The following DHX32 variants were observed in gnomAD, a reference collection of about 807,000 sequenced individuals.
DHX32 encodes putative pre-mRNA-splicing factor ATP-dependent RNA helicase DHX32.
In DHX32, 51 loss-of-function variants were observed where a neutral mutation model predicts 70.0. The ratio of observed to expected loss-of-function variants is 0.73; its 90% CI spans 0.58 to 0.92. The LOEUF (loss-of-function observed/expected upper bound fraction) is 0.92, where lower values mean the gene tolerates loss of function less well. DHX32 is among the 40% of genes least tolerant of loss of function. DHX32 has a pLI of 0.00. For synonymous variants in DHX32, 310 were observed against 315.3 expected (o/e 0.98, Z 0.18); for missense variants, 762 against 891.8 (o/e 0.85, Z 1.85).
intron 1 of DHX32, among the ~76,000 whole-genome samples, chr10:125,888,088 C>T (rs78440715): frequency 3.6e-4 from 54 of 150,158 alleles, no homozygotes; most frequent in Non-Finnish European, 7.0e-4. Context: ...TTTGTAAACC[C>T]TGTACTATAT....
At chr10:125,873,201 A>G (rs945248921) in intron 1 of DHX32, among the ~76,000 whole-genome samples, 2 of 152,208 alleles carry the variant, frequency 1.3e-5, no homozygotes, top group African/African-American at 2.4e-5. Flanking sequence ...CATGAGCTAC[A>G]CTGGTGTAGA....
intron 1 of DHX32, among the ~76,000 whole-genome samples, chr10:125,890,048 G>A (rs4991183): frequency 9.2e-5 from 14 of 152,332 alleles, no homozygotes; most frequent in African/African-American, 2.2e-4. Flanking sequence ...TCCTGACTAT[G>A]TTACATATTG....
chr10:125,879,047 G>A (rs181943078), intron 1 of DHX32, among the ~76,000 whole-genome samples: 2,135 of 134,440 alleles, frequency 0.016, 30 homozygotes, highest in South Asian at 0.03. Flanking sequence ...TTTTTGAGAC[G>A]GGGTCTTGCT....
chr10:125,885,540 A>G (rs1944336749), upstream of DHX32, among the ~76,000 whole-genome samples: 1 of 152,142 alleles, frequency 6.6e-6, no homozygotes, highest in Non-Finnish European at 1.5e-5. Flanking sequence ...CGGCCGAAGA[A>G]TGATGTGAGT....
intron 4 of DHX32, chr10:125,853,223 G>A (rs779279025): frequency 2.3e-5 from 37 of 1,609,366 alleles, no homozygotes; most frequent in East Asian, 1.3e-4. Context: ...CTTCATGACT[G>A]TTGGAATTGC....
intron 6 of DHX32, among the ~76,000 whole-genome samples, chr10:125,846,603 C>T (rs1002816728): frequency 1.3e-5 from 2 of 152,172 alleles, no homozygotes; most frequent in Non-Finnish European, 2.9e-5. Flanking sequence ...GAGATGCACA[C>T]GTAAATCAAG....
At chr10:125,843,767 C>T (rs1222366438) in intron 6 of DHX32, among the ~76,000 whole-genome samples, 1 of 152,212 alleles carries the variant, frequency 6.6e-6, no homozygotes, top group East Asian at 1.9e-4. Flanking sequence ...TGCTGGAGGA[C>T]AGCGGAGCCA....
intron 6 of DHX32, among the ~76,000 whole-genome samples, chr10:125,848,007 T>TG (rs993816827): frequency 1.3e-5 from 2 of 152,214 alleles, no homozygotes; most frequent in African/African-American, 4.8e-5. Flanking sequence ...GCCTAGGGGT[T>TG]GGGGACCCCT....
intron 1 of DHX32, among the ~76,000 whole-genome samples, chr10:125,877,673 G>A (rs1044424725): frequency 6.6e-6 from 1 of 152,142 alleles, no homozygotes; most frequent in Admixed American, 6.5e-5. Context: ...GTGACAGAAC[G>A]AGCCTCTCTG....
At chr10:125,890,527 GCT>G (rs1944364019) in intron 1 of DHX32, 2 of 148,410 alleles carry the variant, frequency 1.3e-5, no homozygotes. Context: ...TAGTTAATTA[GCT>G]TTTTAAAAAT....
intron 1 of DHX32, among the ~76,000 whole-genome samples, chr10:125,877,004 C>A (rs754234285): frequency 2.6e-5 from 4 of 152,066 alleles, no homozygotes; most frequent in Admixed American, 6.6e-5. Context: ...CCTCAACCTA[C>A]CCCTAAATGG....
intron 1 of DHX32, 50 bp from the exon 2 acceptor site, chr10:125,867,233 A>T: frequency 6.9e-7 from 1 of 1,459,098 alleles, no homozygotes; most frequent in Non-Finnish European, 9.3e-7. Context: ...AAAACAAAAC[A>T]AGAGACATCT....
At position 125,838,349 on chromosome 10, in the gene DHX32, C is replaced by T; in HGVS notation, c.1920G>A (p.Met640Ile). Residue 640 changes from methionine (M) to isoleucine (I), a missense_variant, in exon 10 of 11, where the codon ATG (methionine) becomes ATA (isoleucine). Transcript: ENST00000284690. ...RDVDGSGNYL[M>I]LTHKQVAQLH... Reference sequence around the variant, plus strand: ...GCTGAGCAACCTGCTTATGTGTCAGCATTAAGTAGTTACCTGATCCATCAA... The same window carrying T: ...GCTGAGCAACCTGCTTATGTGTCAGTATTAAGTAGTTACCTGATCCATCAA... The T allele has an allele frequency of 6.2e-7, 1 of 1,607,946 alleles. No individual in the cohort carries two copies. The highest frequency in any genetic ancestry group is 8.5e-7 in the Non-Finnish European group (1 of 1,178,596).
Position 125,854,025 on chromosome 10 carries a change from C to A in DHX32, c.1028G>T (p.Gly343Val). Residue 343 changes from glycine to valine, a missense_variant, in exon 4 of 11, where the codon GGA becomes GTA. By Grantham distance (109) the Gly-to-Val change is moderately radical (BLOSUM62 -3). Transcript: ENST00000284690. The part of the protein sequence containing the change: ...QRRVVLTTSS[G>V]EFLIWSNSVR... Reference sequence around the variant, plus strand: ...TGAGTTGCTCCAGATCAAAAACTCTCCAGAGCTAGTAGTTAACACCACTCT... The same window carrying A: ...TGAGTTGCTCCAGATCAAAAACTCTACAGAGCTAGTAGTTAACACCACTCT... 6.2e-7 allele frequency: 1 copy of A among 1,614,082 alleles called. No homozygotes were observed. Among genetic ancestry groups the A allele is most frequent in the Non-Finnish European group, 8.5e-7 (1 of 1,179,988 alleles).
At chr10:125,861,390 G>T (rs183152365) in intron 2 of DHX32, among the ~76,000 whole-genome samples, 1 of 152,062 alleles carries the variant, frequency 6.6e-6, no homozygotes, top group Non-Finnish European at 1.5e-5. Context: ...CCAGCTACCC[G>T]GGAGGCTGAG....
At chr10:125,848,532 T>C (rs1361928935) in intron 6 of DHX32, among the ~76,000 whole-genome samples, 3 of 152,216 alleles carry the variant, frequency 2.0e-5, no homozygotes, top group African/African-American at 7.2e-5. Flanking sequence ...ACCGGCAGTG[T>C]TGAACCTGGC....
At chr10:125,838,427 A>T in intron 9 of DHX32, 40 bp from the exon 10 acceptor site, 2 of 1,499,676 alleles carry the variant, frequency 1.3e-6, no homozygotes, top group Non-Finnish European at 1.8e-6. Context: ...TTTTGTATTA[A>T]TATGGAGATC....
chr10:125,841,630 TG>T, intron 7 of DHX32, 112 bp downstream of exon 7: 1 of 1,483,078 alleles, frequency 6.7e-7, no homozygotes, highest in Non-Finnish European at 8.9e-7. Context: ...TTAAATGAGT[TG>T]ATCACTATCT....
chr10:125,868,118 G>A (rs1161315640), intron 1 of DHX32, among the ~76,000 whole-genome samples: 1 of 152,110 alleles, frequency 6.6e-6, no homozygotes, highest in Non-Finnish European at 1.5e-5. Flanking sequence ...ATCTGGATTT[G>A]GAGTCAGTTC....
Sources: allele counts gnomAD v4.1 joint callset (sites outside exome capture counted in the v4.1 genomes callset), GRCh38; gene constraint gnomAD v4.1.1; transcripts MANE v1.5; gene names NCBI Gene and HGNC (gene_info 2026-07-23, HGNC 2026-07-21).